BCAT1: variants seen among roughly 807,000 people sequenced by gnomAD.
BCAT1 encodes the protein branched-chain-amino-acid aminotransferase, cytosolic.
Under a neutral mutation model 52.4 loss-of-function variants are expected in BCAT1, and 48 were observed. The observed-to-expected ratio is 0.92, with a 90% CI of 0.73 to 1.16. The LOEUF is 1.16. BCAT1 is among the 50% of genes most tolerant of loss of function. The probability of loss-of-function intolerance (pLI) is 0.00; values close to 1 mark genes in which losing one functional copy is unlikely to be tolerated. For missense variants in BCAT1, 451 were observed against 457.1 expected (o/e 0.99, Z 0.12); for synonymous variants, 167 against 161.3 (o/e 1.04, Z -0.27).
intron 4 of BCAT1, among the ~76,000 whole-genome samples, chr12:24,880,968 G>A (rs1203299129): frequency 6.6e-6 from 1 of 151,822 alleles, no homozygotes; most frequent in Non-Finnish European, 1.5e-5. Flanking sequence ...CCACACCGAT[G>A]GGACCACAGG....
Position 24,896,446 on chromosome 12 carries a change from A to G in BCAT1, c.79-1971T>C, listed in dbSNP as rs188609132. Reference sequence around the variant, plus strand: ...TGTAACAGAAACCTGATGGCCCTCAAGCCTAAAATATTTATCATCTAGCCA... The same window carrying G: ...TGTAACAGAAACCTGATGGCCCTCAGGCCTAAAATATTTATCATCTAGCCA... On this transcript the variant is annotated intron_variant, in intron 2 of 10. Coordinates refer to ENST00000261192, the MANE Select transcript of BCAT1 (RefSeq NM_005504.7). 5.6e-4 allele frequency among the ~76,000 whole-genome samples: 85 copies of G among 152,292 alleles called. No individual in the cohort carries two copies. The East Asian group carries it at 0.011, about 20-fold the overall frequency.
intron 1 of BCAT1, among the ~76,000 whole-genome samples, chr12:24,928,584 G>A (rs945948245): frequency 6.9e-6 from 1 of 145,158 alleles, no homozygotes; most frequent in African/African-American, 2.5e-5. Flanking sequence ...AAGCTGCAGC[G>A]AGCTGTGATT....
intron 1 of BCAT1, among the ~76,000 whole-genome samples, chr12:24,916,733 G>T (rs112995014): frequency 6.6e-6 from 1 of 152,188 alleles, no homozygotes; most frequent in Non-Finnish European, 1.5e-5. Flanking sequence ...TAGAGACGGG[G>T]TTTCACCATC....
chr12:24,928,704 TTTGTTGTTGTTGTTG>T (rs71063374), intron 1 of BCAT1, among the ~76,000 whole-genome samples: 3,381 of 144,152 alleles, frequency 0.023, 70 homozygotes, highest in South Asian at 0.072. Flanking sequence ...GTGTGAAATG[TTTGTTGTTGTTGTTG>T]TTGTTGTTGT....
At chr12:24,847,178 A>G (rs1180809990) in intron 6 of BCAT1, among the ~76,000 whole-genome samples, 2 of 152,210 alleles carry the variant, frequency 1.3e-5, no homozygotes, top group African/African-American at 4.8e-5. Flanking sequence ...GCCCAAGGCA[A>G]TTAGGTTGGT....
rs543500903 is a variant in BCAT1 at position 24,817,973 on chromosome 12, A to T, written c.*35T>A. 4 of 1,603,528 alleles carry T rather than the reference A, an allele frequency of 2.5e-6. No homozygotes were observed. The highest frequency in any genetic ancestry group is 3.4e-6 in the Non-Finnish European group (4 of 1,171,142). ...TCTGTCCCAGTAGCATACAGTTGGT[A>T]TCCTCTATTTTCCATTGTATCCTCT... is the stretch of plus-strand genomic sequence containing the variant. On this transcript the variant is annotated 3_prime_UTR_variant, in exon 11 of 11. Transcript: ENST00000261192.
At chr12:24,860,688 T>C (rs915648472) in intron 5 of BCAT1, among the ~76,000 whole-genome samples, 4 of 152,208 alleles carry the variant, frequency 2.6e-5, no homozygotes, top group African/African-American at 7.2e-5. Context: ...ACAGAACTGA[T>C]GAAAGCCTCT....
At chr12:24,824,231 T>TTTCTTTCCTTCCTTCCTTCC (rs1940277711) in intron 10 of BCAT1, among the ~76,000 whole-genome samples, 1 of 21,074 alleles carries the variant, frequency 4.7e-5, no homozygotes, top group Non-Finnish European at 1.3e-4. Flanking sequence ...TGAGTTTACA[T>TTTCTTTCCTTCCTTCCTTCC]TTCCTTCCTT....
chr12:24,909,473 T>A (rs1943280207), intron 1 of BCAT1, among the ~76,000 whole-genome samples: 1 of 152,228 alleles, frequency 6.6e-6, no homozygotes, highest in Non-Finnish European at 1.5e-5. Flanking sequence ...AGGACGGTAG[T>A]AACAAAGTGC....
At chr12:24,818,722 T>C (rs141812645) in intron 10 of BCAT1, among the ~76,000 whole-genome samples, 2 of 152,362 alleles carry the variant, frequency 1.3e-5, no homozygotes, top group East Asian at 1.9e-4. Flanking sequence ...TCAAAAGTTA[T>C]GTAACTGTAT....
intron 1 of BCAT1, among the ~76,000 whole-genome samples, chr12:24,917,822 C>T (rs1943442520): frequency 6.6e-6 from 1 of 152,150 alleles, no homozygotes; most frequent in South Asian, 2.1e-4. Flanking sequence ...TCTGGGCTCT[C>T]CTCCACACCA....
At chr12:24,845,073 G>A (rs1455125769) in intron 6 of BCAT1, among the ~76,000 whole-genome samples, 1 of 151,276 alleles carries the variant, frequency 6.6e-6, no homozygotes, top group East Asian at 1.9e-4. Flanking sequence ...AACTAGCTGG[G>A]TTTGGTGGAC....
chr12:24,915,418 C>T (rs1041860920), intron 1 of BCAT1, among the ~76,000 whole-genome samples: 2 of 152,044 alleles, frequency 1.3e-5, no homozygotes, highest in African/African-American at 2.4e-5. Context: ...TACTTCAATG[C>T]TTCTATTGAG....
intron 3 of BCAT1, among the ~76,000 whole-genome samples, chr12:24,884,913 C>T (rs753703154): frequency 1.3e-5 from 2 of 152,058 alleles, no homozygotes; most frequent in Admixed American, 6.5e-5. Flanking sequence ...TTTTTAGTTT[C>T]CTAGATAACT....
intron 1 of BCAT1, chr12:24,902,562 A>T: frequency 2.0e-6 from 1 of 490,334 alleles, no homozygotes; most frequent in Non-Finnish European, 2.9e-6. Context: ...TGCGGTCAAA[A>T]TATTTTGGGG....
chr12:24,887,080 A>AAAAAAAAATATATATAT (rs1245203518), intron 3 of BCAT1, among the ~76,000 whole-genome samples: 5 of 40,746 alleles, frequency 1.2e-4, no homozygotes, highest in Non-Finnish European at 2.1e-4. Flanking sequence ...AAAAAAAAAA[A>AAAAAAAAATATATATAT]ATATATATAT....
At chr12:24,852,189 T>C (rs924253376) in intron 5 of BCAT1, among the ~76,000 whole-genome samples, 2 of 152,202 alleles carry the variant, frequency 1.3e-5, no homozygotes, top group Admixed American at 1.3e-4. Flanking sequence ...CCAGTCATGC[T>C]TCCTGTTAAG....
At chr12:24,902,003 A>C (rs754083975) in intron 1 of BCAT1, 118 bp from the exon 2 acceptor site, 1 of 1,594,854 alleles carries the variant, frequency 6.3e-7, no homozygotes, top group African/African-American at 1.3e-5. Context: ...AGGCAAACAC[A>C]AAAAAGGAGG....
Position 24,901,852 on chromosome 12 carries a change from C to A in BCAT1, c.40G>T (p.Gly14Ter). The A allele has an allele frequency of 1.2e-6, 2 of 1,613,994 alleles. No homozygotes were observed. The highest frequency in any genetic ancestry group is 1.6e-4 in the Middle Eastern group (1 of 6,062). ...ACCACCTCTTTTGATCCTCCTTCTC[C>A]GGTACACTCTGCGGAGCATCCGTTA... ...CSNGCSAECTGEGGSKEVVGT... is the reference protein window; with the variant it reads ...CSNGCSAECT The change falls in exon 2 of 11, where the codon GGA becomes TGA. Residue 14 changes from glycine to a stop codon, truncating the protein, a stop_gained. Coordinates refer to ENST00000261192, the MANE Select transcript of BCAT1 (RefSeq NM_005504.7). LOFTEE classifies it high-confidence loss of function.
Sources: gnomAD v4.1 joint callset for allele counts (sites outside exome capture counted in the v4.1 genomes callset) on GRCh38, gnomAD v4.1.1 for gene constraint, MANE v1.5 for transcripts, NCBI Gene and HGNC (gene_info 2026-07-23, HGNC 2026-07-21) for gene names.